Variants in TP53BP1 observed in about 807,000 individuals in gnomAD.
The protein encoded by TP53BP1 is TP53-binding protein 1.
TP53BP1 carries 61 observed loss-of-function variants against 200.8 expected under a neutral mutation model. The ratio of observed to expected loss-of-function variants is 0.30; its 90% CI spans 0.25 to 0.38. TP53BP1 has a LOEUF of 0.38. TP53BP1 is among the 10% of genes least tolerant of loss of function. The pLI, the probability that TP53BP1 is intolerant of heterozygous loss-of-function variation, is 1.00. For synonymous variants in TP53BP1, 822 were observed against 844.3 expected, an observed-to-expected ratio of 0.97 and a Z score of 0.46; for missense variants, 2,144 against 2,371.9, an observed-to-expected ratio of 0.90 and a Z score of 2.00.
intron 21 of TP53BP1, among the ~76,000 whole-genome samples, chr15:43,417,986 C>G (rs964905810): frequency 6.6e-6 from 1 of 151,664 alleles, no homozygotes; most frequent in Non-Finnish European, 1.5e-5. Context: ...TCAAGACCAG[C>G]CTGACCAAGA....
intron 8 of TP53BP1, 118 bp from the exon 9 acceptor site, chr15:43,475,812 G>A: frequency 7.8e-7 from 1 of 1,278,472 alleles, no homozygotes. Context: ...ATTTCCAAAA[G>A]GGCAGAAATT....
At position 43,456,183 on chromosome 15, in the gene TP53BP1, T is replaced by C. The variant is rs1333757805; in HGVS notation, c.2425A>G (p.Thr809Ala). 6.2e-7 allele frequency: 1 copy of C among 1,614,200 alleles called. No homozygotes were observed. The highest frequency in any genetic ancestry group is 1.7e-5 in the Admixed American group (1 of 60,026). Reference sequence around the variant, plus strand: ...TATTCTACACTCTTTTCTTCCTTGGTGTCTAATCTATTCTCAGCACATGGT... The same window carrying C: ...TATTCTACACTCTTTTCTTCCTTGGCGTCTAATCTATTCTCAGCACATGGT... ...IEPCAENRLDTKEEKSVEYEG... is the reference protein window; with the variant it reads ...IEPCAENRLDAKEEKSVEYEG... Residue 809 changes from threonine to alanine, a missense_variant, in exon 12 of 28, where the codon ACC becomes GCC. Physicochemically the swap from Thr to Ala is moderately conservative, Grantham distance 58 (BLOSUM62 0). Around this residue, in one of 4 missense-constraint regions of TP53BP1, gnomAD observed 1,700 missense variants for 1,710.3 expected, o/e 0.99. Transcript: ENST00000382044.
Position 43,426,258 on chromosome 15 carries a change from G to A in TP53BP1, c.3828+1758C>T, listed in dbSNP as rs145471053. 2.0e-3 allele frequency among the ~76,000 whole-genome samples: 304 copies of A among 151,436 alleles called. 2 individuals are homozygous for A. Among genetic ancestry groups the A allele is most frequent in the Admixed American group, 0.018 (278 of 15,226 alleles). The stretch of plus-strand genomic sequence containing the variant: ...AGTTTGAGACCAGCCTGGCCAACAT[G>A]GTGAAATCCCATCTCTACTACAAAC... On this transcript the variant is annotated intron_variant, in intron 18 of 27. Transcript: ENST00000382044.
At chr15:43,481,824 A>C (rs1466850541) in intron 4 of TP53BP1, among the ~76,000 whole-genome samples, 1 of 150,984 alleles carries the variant, frequency 6.6e-6, no homozygotes, top group African/African-American at 2.4e-5. Flanking sequence ...AAAAAAAAAA[A>C]AAAAAGAGAG....
At chr15:43,507,654 G>C (rs907511095) in intron 1 of TP53BP1, among the ~76,000 whole-genome samples, 14 of 151,608 alleles carry the variant, frequency 9.2e-5, no homozygotes, top group Non-Finnish European at 1.9e-4. Flanking sequence ...ATATGTATCA[G>C]AGCATTTTCT....
intron 12 of TP53BP1, among the ~76,000 whole-genome samples, chr15:43,448,520 T>C (rs902983220): frequency 6.6e-6 from 1 of 152,008 alleles, no homozygotes; most frequent in African/African-American, 2.4e-5. Context: ...TTTTTTCCTT[T>C]AAAACAAAAC....
intron 4 of TP53BP1, 149 bp from the exon 5 acceptor site, chr15:43,481,171 A>G: frequency 1.2e-6 from 1 of 804,306 alleles, no homozygotes; most frequent in Non-Finnish European, 1.9e-6. Flanking sequence ...TTTCTACAAA[A>G]AGCACCTAAA....
Position 43,475,472 on chromosome 15 carries a change from C to G in TP53BP1, c.1085+93G>C, listed in dbSNP as rs751172199. The G allele has an allele frequency of 2.6e-4, 380 of 1,449,576 alleles. 1 individual carries two copies. Among genetic ancestry groups the G allele is most frequent in the Non-Finnish European group, 5.3e-5 (56 of 1,065,828 alleles). 89.8% of individuals were successfully genotyped at this position (1,449,576 alleles called of 1,614,324 possible). A position where few individuals can be genotyped will look rare whatever the true frequency, so the allele number is the denominator to read the frequency against. ...CTACCATTTGGTTTCAAAAAGAATT[C>G]TAGACTAGCAGATAAGTTTAGCCTC... On this transcript the variant is annotated intron_variant, in intron 9 of 27. Transcript: ENST00000382044.
At chr15:43,409,517 C>A in intron 25 of TP53BP1, 130 bp downstream of exon 25, 1 of 528,754 alleles carries the variant, frequency 1.9e-6, no homozygotes, top group South Asian at 3.6e-5. Context: ...AACATTTTGG[C>A]AGTTTCTCAG....
chr15:43,437,662 T>C (rs969216725), intron 16 of TP53BP1, among the ~76,000 whole-genome samples: 1 of 152,152 alleles, frequency 6.6e-6, no homozygotes, highest in Non-Finnish European at 1.5e-5. Flanking sequence ...TTCAAATTGA[T>C]ACAACTGGCA....
At chr15:43,484,637 CCTG>C (rs1378690198) in intron 4 of TP53BP1, among the ~76,000 whole-genome samples, 1 of 152,192 alleles carries the variant, frequency 6.6e-6, no homozygotes, top group Non-Finnish European at 1.5e-5. Context: ...CACTAACCTC[CCTG>C]CTATTTCTCA....
In TP53BP1 at chr15:43,421,128, C is replaced by T; in HGVS notation, c.4147G>A (p.Asp1383Asn). 2.5e-6 allele frequency: 4 copies of T among 1,614,234 alleles called. No individual in the cohort carries two copies. The highest frequency in any genetic ancestry group is 3.4e-6 in the Non-Finnish European group (4 of 1,180,034). Residue 1383 changes from aspartate to asparagine, a missense_variant, in exon 20 of 28, where the codon GAT becomes AAT. Transcript: ENST00000382044. ...SQTGTPVCEE[D>N]GDAGLGIRQG... ...CTGATGCCAAGGCCTGCATCACCAT[C>T]CTCCTCACACACTGGCGTCCCTGTC...
intron 1 of TP53BP1, among the ~76,000 whole-genome samples, chr15:43,501,718 C>T (rs1398042695): frequency 6.6e-6 from 1 of 152,156 alleles, no homozygotes; most frequent in Non-Finnish European, 1.5e-5. Flanking sequence ...TCACACAGTA[C>T]GTGGTCTTTT....
chr15:43,509,928 C>T (rs1234322019), intron 1 of TP53BP1, among the ~76,000 whole-genome samples: 2 of 152,088 alleles, frequency 1.3e-5, no homozygotes, highest in Non-Finnish European at 2.9e-5. Flanking sequence ...CGCTCCCATA[C>T]ATACATGTAC....
intron 9 of TP53BP1, 113 bp from the exon 10 acceptor site, chr15:43,474,880 T>G (rs2046818290): frequency 4.6e-6 from 3 of 658,348 alleles, no homozygotes; most frequent in Non-Finnish European, 7.6e-6. Context: ...AGATAAATAC[T>G]TATCAGCACT....
chr15:43,425,268 A>G (rs1254309037), intron 18 of TP53BP1, among the ~76,000 whole-genome samples: 2 of 152,204 alleles, frequency 1.3e-5, no homozygotes, highest in Non-Finnish European at 2.9e-5. Context: ...TTTTCCCTCC[A>G]TCAAACTGTC....
At chr15:43,454,161 C>T (rs1404683866) in intron 12 of TP53BP1, among the ~76,000 whole-genome samples, 2 of 151,090 alleles carry the variant, frequency 1.3e-5, no homozygotes, top group African/African-American at 2.4e-5. Flanking sequence ...GCTGAGATTG[C>T]GCCACTGCAC....
intron 18 of TP53BP1, among the ~76,000 whole-genome samples, chr15:43,425,259 T>C (rs887002097): frequency 3.3e-5 from 5 of 152,162 alleles, no homozygotes; most frequent in African/African-American, 9.7e-5. Context: ...CATGGAACCT[T>C]TTCCCTCCAT....
intron 10 of TP53BP1, among the ~76,000 whole-genome samples, chr15:43,471,697 G>C (rs985666477): frequency 6.6e-6 from 1 of 152,056 alleles, no homozygotes; most frequent in Non-Finnish European, 1.5e-5. Flanking sequence ...CAAAGTATTG[G>C]GATTACAGGT....
Sources: gnomAD v4.1 joint callset for allele counts (sites outside exome capture counted in the v4.1 genomes callset) on GRCh38, gnomAD v4.1.1 for gene constraint, gnomAD v4.1.1 regional missense constraint, MANE v1.5 for transcripts, NCBI Gene and HGNC (gene_info 2026-07-23, HGNC 2026-07-21) for gene names.